Variants in INO80D observed in about 807,000 individuals in gnomAD.
The protein encoded by INO80D is INO80 complex subunit D.
INO80D carries 21 observed loss-of-function variants against 87.6 expected under a neutral mutation model. The observed-to-expected ratio is 0.24, with a 90% CI of 0.17 to 0.35. INO80D has a LOEUF of 0.35. Ranked by LOEUF, INO80D falls within the 10% of genes least tolerant of loss-of-function variation. The probability of loss-of-function intolerance (pLI) is 1.00; values close to 1 mark genes in which losing one functional copy is unlikely to be tolerated. For synonymous variants in INO80D, 440 were observed against 491.0 expected (o/e 0.90, Z 1.37); for missense variants, 982 against 1,280.7 (o/e 0.77, Z 3.56).
intron 1 of INO80D, among the ~76,000 whole-genome samples, chr2:206,081,261 CTT>C (rs529615155): frequency 1.1e-3 from 167 of 152,298 alleles, no homozygotes; most frequent in Non-Finnish European, 1.5e-3. Context: ...CGTTTTTCCT[CTT>C]TGTTTCTGCT....
Position 205,996,271 on chromosome 2 carries a change from T to C in INO80D, c.*8097A>G, listed in dbSNP as rs575435536. 6.6e-6 allele frequency: 1 copy of C among 150,982 alleles called. No individual in the cohort carries two copies. Among genetic ancestry groups the C allele is most frequent in the Non-Finnish European group, 1.5e-5 (1 of 67,762 alleles). 9.4% of individuals were successfully genotyped at this position (150,982 alleles called of 1,614,324 possible). On this transcript the variant is annotated 3_prime_UTR_variant, in exon 11 of 11. Coordinates refer to ENST00000403263, the MANE Select transcript of INO80D (RefSeq NM_017759.5). ...GTTGATGAAATATGCTTAAGCCAGA[T>C]GCTTCTGGCTAGAAGAGACAGAATT...
chr2:206,085,153 G>A lies in INO80D; in HGVS notation c.-124+748C>T, dbSNP rs200648357. On this transcript the variant is annotated intron_variant, in intron 1 of 10. Coordinates refer to ENST00000403263, the MANE Select transcript of INO80D (RefSeq NM_017759.5). This position sits in a 1 kb window ranked among gnomAD's most constrained non-coding sequence, Gnocchi z 4.5. ...AGGACCAGGGCTCCCCGGAGAGACA[G>A]CGGCCCCCAGTTCGGGCCTAAAAGG... Among the ~76,000 whole-genome samples the A allele has an allele frequency of 3.7e-4, 56 of 152,246 alleles. No homozygotes were observed. The highest frequency in any genetic ancestry group is 1.8e-3 in the East Asian group (9 of 5,142).
chr2:206,047,825 C>T (rs188866696), intron 4 of INO80D, among the ~76,000 whole-genome samples: 4 of 151,028 alleles, frequency 2.6e-5, no homozygotes, highest in Admixed American at 6.6e-5. Flanking sequence ...TGGTAATGTT[C>T]TACTACTAAT....
intron 5 of INO80D, among the ~76,000 whole-genome samples, chr2:206,030,055 C>A (rs1187859576): frequency 6.6e-6 from 1 of 152,066 alleles, no homozygotes; most frequent in Admixed American, 6.5e-5. Context: ...CCTCTGACAG[C>A]AGGTCTACAC....
rs1336059275 is a variant in INO80D at position 206,056,840 on chromosome 2, T to C, written c.322A>G (p.Thr108Ala). The C allele has an allele frequency of 6.2e-7, 1 of 1,611,694 alleles. No homozygotes were observed. The highest frequency in any genetic ancestry group is 2.2e-5 in the East Asian group (1 of 44,856). The part of the protein sequence containing the change: ...DEVKVRHQMD[T>A]MAFSLTVPTL... The stretch of plus-strand genomic sequence containing the variant: ...GGCACTGTCAGGCTAAAGGCCATGG[T>C]ATCCATCTGGTGCCTGACCTTCACC... Residue 108 changes from threonine to alanine, a missense_variant, in exon 4 of 11, where the codon ACC (threonine) becomes GCC (alanine). Coordinates refer to ENST00000403263, the MANE Select transcript of INO80D (RefSeq NM_017759.5).
chr2:206,005,638 C>A, intron 10 of INO80D, 105 bp from the exon 11 acceptor site: 1 of 931,172 alleles, frequency 1.1e-6, no homozygotes, highest in Non-Finnish European at 1.6e-6. Context: ...TTAAAGAGTC[C>A]CTCTTGAAAA....
intron 5 of INO80D, among the ~76,000 whole-genome samples, chr2:206,045,941 G>A (rs1381575868): frequency 6.6e-6 from 1 of 152,094 alleles, no homozygotes; most frequent in Non-Finnish European, 1.5e-5. Context: ...GAGGAAATTG[G>A]ATCAATTAAT....
At chr2:206,036,237 C>T (rs818019) in intron 5 of INO80D, among the ~76,000 whole-genome samples, 48,217 of 151,954 alleles carry the variant, frequency 0.32, 8,520 homozygotes, top group South Asian at 0.58. Flanking sequence ...ATCCCACTAC[C>T]GGGTACCCAC....
At chr2:206,080,493 T>C (rs1172268653) in intron 1 of INO80D, among the ~76,000 whole-genome samples, 5 of 152,238 alleles carry the variant, frequency 3.3e-5, no homozygotes, top group South Asian at 2.1e-4. Flanking sequence ...AATTTTTTAC[T>C]GGCAAAAATA....
intron 5 of INO80D, among the ~76,000 whole-genome samples, chr2:206,034,447 G>A (rs951711921): frequency 1.3e-5 from 2 of 152,044 alleles, no homozygotes; most frequent in Non-Finnish European, 2.9e-5. Context: ...ACATAAGCAA[G>A]TCAAGAAATG....
intron 6 of INO80D, among the ~76,000 whole-genome samples, chr2:206,022,852 T>C (rs1160567776): frequency 1.3e-5 from 2 of 152,256 alleles, no homozygotes; most frequent in Admixed American, 6.5e-5. Flanking sequence ...TAGCTGAGAC[T>C]ACAGGCGCAT....
chr2:206,029,078 C>G (rs1411412523), intron 5 of INO80D, among the ~76,000 whole-genome samples: 1 of 151,828 alleles, frequency 6.6e-6, no homozygotes, highest in Non-Finnish European at 1.5e-5. Context: ...TTAATAGAGA[C>G]GGGGTTTCAC....
Position 206,026,676 on chromosome 2 carries a change from TTATATA to T in INO80D, c.1298+1429_1298+1434del, listed in dbSNP as rs905076891. 3.3e-5 allele frequency among the ~76,000 whole-genome samples: 5 copies of T among 149,528 alleles called. 1 individual carries two copies. In the South Asian group the frequency reaches 1.0e-3, roughly 31 times the overall value. On this transcript the variant is annotated intron_variant, in intron 6 of 10. Coordinates refer to ENST00000403263, the MANE Select transcript of INO80D (RefSeq NM_017759.5). ...TTTATATATAACAGATATTTTATAT[TTATATA>T]TATAACAGAATTCCATAATCAGTTT...
chr2:206,065,307 A>G (rs979375134), intron 1 of INO80D, among the ~76,000 whole-genome samples: 5 of 151,940 alleles, frequency 3.3e-5, no homozygotes, highest in Non-Finnish European at 5.9e-5. Context: ...TGTCTCTACT[A>G]AAAAATACAA....
rs537251135 is a variant in INO80D at position 206,025,182 on chromosome 2, C to G, written c.1298+2929G>C. 3.3e-5 allele frequency among the ~76,000 whole-genome samples: 5 copies of G among 151,826 alleles called. No homozygotes were observed. The South Asian group carries it at 1.0e-3, about 32-fold the overall frequency. ...CCCACCACCTAGAGATATTCTGGTA[C>G]ATAAATTCCTAAATTTTTTCTCTAT... On this transcript the variant is annotated intron_variant, in intron 6 of 10. Coordinates refer to ENST00000403263, the MANE Select transcript of INO80D (RefSeq NM_017759.5).
chr2:206,036,621 T>C (rs1033530297), intron 5 of INO80D, among the ~76,000 whole-genome samples: 6 of 152,002 alleles, frequency 3.9e-5, no homozygotes, highest in African/African-American at 1.5e-4. Flanking sequence ...AGACTACAAA[T>C]AGGGTGCAGT....
chr2:206,011,624 C>T (rs897155415), intron 8 of INO80D, among the ~76,000 whole-genome samples: 4 of 152,226 alleles, frequency 2.6e-5, no homozygotes, highest in Non-Finnish European at 5.9e-5. Flanking sequence ...ATCCCATGTT[C>T]TGCCTGACAG....
chr2:206,021,185 T>G (rs540292626), intron 6 of INO80D, among the ~76,000 whole-genome samples: 1 of 152,322 alleles, frequency 6.6e-6, no homozygotes, highest in East Asian at 1.9e-4. Context: ...AAAAATCTTT[T>G]GAGTTGTTTG....
chr2:206,010,725 G>A (rs186296718), intron 8 of INO80D, among the ~76,000 whole-genome samples: 1 of 152,266 alleles, frequency 6.6e-6, no homozygotes, highest in African/African-American at 2.4e-5. Context: ...TCAAATGCTT[G>A]AATGTAAACA....
Sources: gnomAD v4.1 joint callset for allele counts (sites outside exome capture counted in the v4.1 genomes callset) on GRCh38, gnomAD v4.1.1 for gene constraint, Gnocchi (gnomAD v3.1) non-coding constraint, MANE v1.5 for transcripts, NCBI Gene and HGNC (gene_info 2026-07-23, HGNC 2026-07-21) for gene names.